Variants in NRXN3 observed in about 807,000 individuals in gnomAD.
The protein encoded by NRXN3 is neurexin 3.
In NRXN3, 32 loss-of-function variants were observed where a neutral mutation model predicts 137.6. That is an observed-to-expected ratio of 0.23 (90% CI 0.18 to 0.31). The LOEUF (loss-of-function observed/expected upper bound fraction) is 0.31, where lower values mean the gene tolerates loss of function less well. Ranked by LOEUF, NRXN3 falls within the 10% of genes least tolerant of loss-of-function variation. The pLI is 1.00. For missense variants in NRXN3, 1,574 were observed against 2,062.5 expected, an observed-to-expected ratio of 0.76 and a Z score of 4.59; for synonymous variants, 798 against 784.5, an observed-to-expected ratio of 1.02 and a Z score of -0.29.
intron 16 of NRXN3, among the ~76,000 whole-genome samples, chr14:79,570,902 C>A (rs2097593923): frequency 6.6e-6 from 1 of 152,184 alleles, no homozygotes; most frequent in Non-Finnish European, 1.5e-5. Flanking sequence ...GTGAGCTGAG[C>A]AAGCTCACTG....
intron 4 of NRXN3, among the ~76,000 whole-genome samples, chr14:78,610,285 A>G (rs1193593488): frequency 1.3e-5 from 2 of 152,250 alleles, no homozygotes; most frequent in African/African-American, 2.4e-5. Flanking sequence ...TTCTTCCATA[A>G]TAAGTTCATT....
chr14:79,856,040 G>A (rs1317871522), intron 20 of NRXN3, among the ~76,000 whole-genome samples: 2 of 152,196 alleles, frequency 1.3e-5, no homozygotes, highest in African/African-American at 4.8e-5. Context: ...TCAAGGGGCT[G>A]TGGCTCATCT....
intron 10 of NRXN3, among the ~76,000 whole-genome samples, chr14:78,869,709 C>A (rs1379405836): frequency 6.6e-6 from 1 of 152,156 alleles, no homozygotes; most frequent in African/African-American, 2.4e-5. Flanking sequence ...GCTCTTCCTT[C>A]ATCTCAAATA....
At chr14:78,878,003 G>A (rs970807534) in intron 10 of NRXN3, among the ~76,000 whole-genome samples, 1 of 152,082 alleles carries the variant, frequency 6.6e-6, no homozygotes, top group Non-Finnish European at 1.5e-5. Flanking sequence ...AAAGAGGTCA[G>A]TAAAACATTC....
At chr14:78,283,543 T>A (rs1285632053) in intron 3 of NRXN3, among the ~76,000 whole-genome samples, 3 of 152,038 alleles carry the variant, frequency 2.0e-5, no homozygotes, top group African/African-American at 7.2e-5. Context: ...AGTTTCGCTC[T>A]TGTCACCCAG....
At chr14:79,013,939 A>T (rs777283759) in intron 15 of NRXN3, among the ~76,000 whole-genome samples, 4 of 152,196 alleles carry the variant, frequency 2.6e-5, no homozygotes, top group Admixed American at 1.3e-4. Context: ...CCCTACTGTC[A>T]TGGGGTTTAC....
chr14:79,228,944 G>T (rs1466884199), intron 15 of NRXN3, among the ~76,000 whole-genome samples: 2 of 152,072 alleles, frequency 1.3e-5, no homozygotes, highest in Non-Finnish European at 2.9e-5. Flanking sequence ...GTTCCAGATG[G>T]AGTCTCAGCC....
chr14:79,046,763 A>G (rs146307616), intron 15 of NRXN3, among the ~76,000 whole-genome samples: 51 of 152,344 alleles, frequency 3.3e-4, no homozygotes, highest in African/African-American at 1.2e-3. Context: ...TGAAAATTAC[A>G]TGAGATAAAA....
At chr14:78,742,540 G>T (rs2098582641) in intron 8 of NRXN3, among the ~76,000 whole-genome samples, 1 of 152,142 alleles carries the variant, frequency 6.6e-6, no homozygotes, top group Non-Finnish European at 1.5e-5. Flanking sequence ...AATTTAAAGA[G>T]TGTTTCTATT....
intron 15 of NRXN3, among the ~76,000 whole-genome samples, chr14:79,260,130 A>G (rs1173687478): frequency 6.6e-6 from 1 of 152,184 alleles, no homozygotes; most frequent in Non-Finnish European, 1.5e-5. Context: ...TTTGATATGT[A>G]CAAATATGTA....
At chr14:79,438,086 G>T (rs550429312) in intron 15 of NRXN3, among the ~76,000 whole-genome samples, 1 of 152,230 alleles carries the variant, frequency 6.6e-6, no homozygotes, top group Admixed American at 6.5e-5. Context: ...TATTGCCTCT[G>T]GCTGGAAAAA....
At chr14:79,591,338 A>G (rs1483684918) in intron 16 of NRXN3, among the ~76,000 whole-genome samples, 1 of 152,228 alleles carries the variant, frequency 6.6e-6, no homozygotes, top group Non-Finnish European at 1.5e-5. Flanking sequence ...GCTCACTCTG[A>G]GCCATGGCTC....
intron 8 of NRXN3, among the ~76,000 whole-genome samples, chr14:78,789,824 G>C (rs2153048421): frequency 6.6e-6 from 1 of 152,168 alleles, no homozygotes; most frequent in East Asian, 1.9e-4. Flanking sequence ...ATGGTTTACA[G>C]GTCTCCTTCT....
chr14:79,193,845 G>A (rs1371936258), intron 15 of NRXN3, among the ~76,000 whole-genome samples: 2 of 152,168 alleles, frequency 1.3e-5, no homozygotes, highest in Admixed American at 6.5e-5. Flanking sequence ...TTCCTACAAA[G>A]TATGGAATAG....
chr14:79,749,629 T>G (rs1316446114), intron 19 of NRXN3, among the ~76,000 whole-genome samples: 1 of 152,044 alleles, frequency 6.6e-6, no homozygotes, highest in East Asian at 1.9e-4. Context: ...CAACACTGGC[T>G]TCATCTTCCA....
chr14:78,604,790 G>T (rs2097234008), intron 4 of NRXN3, among the ~76,000 whole-genome samples: 1 of 152,112 alleles, frequency 6.6e-6, no homozygotes. Context: ...CCTCTAGGCT[G>T]TTCAACCTTA....
intron 2 of NRXN3, among the ~76,000 whole-genome samples, chr14:78,247,003 G>T (rs117362075): frequency 0.013 from 1,961 of 152,334 alleles, 14 homozygotes; most frequent in Non-Finnish European, 0.019. Flanking sequence ...CTTGCACCTG[G>T]CATGGAAGGT....
At chr14:79,583,836 A>C (rs1450746894) in intron 16 of NRXN3, among the ~76,000 whole-genome samples, 2 of 152,220 alleles carry the variant, frequency 1.3e-5, no homozygotes, top group East Asian at 3.9e-4. Flanking sequence ...GGAATTCAGC[A>C]AAAGGATGAA....
intron 14 of NRXN3, among the ~76,000 whole-genome samples, chr14:78,968,731 A>G (rs1282807566): frequency 6.6e-6 from 1 of 152,248 alleles, no homozygotes; most frequent in East Asian, 1.9e-4. Flanking sequence ...GATTTTATGT[A>G]GATGTCACTA....
Sources: gnomAD v4.1 joint callset for allele counts (sites outside exome capture counted in the v4.1 genomes callset) on GRCh38, gnomAD v4.1.1 for gene constraint, MANE v1.5 for transcripts, NCBI Gene and HGNC (gene_info 2026-07-23, HGNC 2026-07-21) for gene names.